The following MALT1 variants were observed in gnomAD, a reference collection of about 807,000 sequenced individuals.
The protein encoded by MALT1 is mucosa-associated lymphoid tissue lymphoma translocation protein 1.
In MALT1, 36 loss-of-function variants were observed where a neutral mutation model predicts 85.5. The ratio of observed to expected loss-of-function variants is 0.42; its 90% CI spans 0.32 to 0.56. MALT1 has a LOEUF of 0.56. Ranked by LOEUF, MALT1 falls within the 20% of genes least tolerant of loss-of-function variation. MALT1 has a pLI of 0.10. For synonymous variants in MALT1, 359 were observed against 361.3 expected (o/e 0.99, Z 0.07); for missense variants, 716 against 981.6 (o/e 0.73, Z 3.62).
chr18:58,678,759 GA>G (rs1451898345), intron 1 of MALT1, among the ~76,000 whole-genome samples: 2 of 152,190 alleles, frequency 1.3e-5, no homozygotes, highest in Admixed American at 1.3e-4. Context: ...CTATGGCCCA[GA>G]ATATCTAAAA....
chr18:58,748,515 G>T lies in MALT1; in HGVS notation c.*673G>T, dbSNP rs527755765. ...TGTATATAAATCTGTTATAGAACAG[G>T]CTGAAATTTCTTGTTCATAAGATTA... On this transcript the variant is annotated 3_prime_UTR_variant, in exon 17 of 17. Transcript: ENST00000649217. 2.2e-5 allele frequency: 4 copies of T among 185,892 alleles called. No homozygotes were observed. In the South Asian group the frequency reaches 7.8e-4, roughly 36 times the overall value. 11.5% of individuals were successfully genotyped at this position (185,892 alleles called of 1,614,324 possible). A position where few individuals can be genotyped will look rare whatever the true frequency, so the allele number is the denominator to read the frequency against.
chr18:58,698,035 G>GTTT (rs398120520), intron 3 of MALT1, among the ~76,000 whole-genome samples: 3 of 47,518 alleles, frequency 6.3e-5, no homozygotes, highest in South Asian at 1.3e-3. Context: ...GATTCGTGGG[G>GTTT]TTTTTTGTTG....
intron 10 of MALT1, among the ~76,000 whole-genome samples, chr18:58,727,095 A>G (rs905751098): frequency 4.6e-5 from 7 of 152,180 alleles, no homozygotes; most frequent in African/African-American, 1.7e-4. Context: ...CACACTAAAA[A>G]TGCTCAAAAT....
rs896164289 is a variant in MALT1 at position 58,680,390 on chromosome 18, A to T, written c.210-780A>T. On this transcript the variant is annotated intron_variant, in intron 1 of 16. Coordinates refer to ENST00000649217, the MANE Select transcript of MALT1 (RefSeq NM_006785.4). ...TCAGGCTCAGTTTTTTTAATGAATT[A>T]ACAGTATTTCATTTGATATACATGC... is the stretch of plus-strand genomic sequence containing the variant. Among the ~76,000 whole-genome samples the T allele has an allele frequency of 2.0e-5, 3 of 152,310 alleles. No homozygotes were observed. In the East Asian group the frequency reaches 5.8e-4, roughly 29 times the overall value.
In MALT1 at chr18:58,681,315, C is replaced by A; in HGVS notation, c.355C>A (p.Leu119Ile). ...GCAGGCTATGGAACACACTGAAGTT[C>A]TTCAGCTTCTCAGCCCCCCAGGTAG... ...FLQAMEHTEV[L>I]QLLSPPGIKI... Residue 119 changes from leucine (L) to isoleucine (I), a missense_variant, in exon 2 of 17, where the codon CTT (leucine) becomes ATT (isoleucine). This residue lies in a region of MALT1 where 290 missense variants were observed against 380.5 expected (regional missense o/e 0.76). Coordinates refer to ENST00000649217, the MANE Select transcript of MALT1 (RefSeq NM_006785.4). The A allele has an allele frequency of 1.9e-6, 3 of 1,613,604 alleles. No individual in the cohort carries two copies. The highest frequency in any genetic ancestry group is 2.5e-6 in the Non-Finnish European group (3 of 1,179,758).
chr18:58,713,520 T>C (rs780553550), intron 7 of MALT1, among the ~76,000 whole-genome samples: 67 of 152,108 alleles, frequency 4.4e-4, no homozygotes, highest in Non-Finnish European at 8.2e-4. Flanking sequence ...ACCAAGAAGA[T>C]ACAAGCCTGA....
intron 7 of MALT1, among the ~76,000 whole-genome samples, chr18:58,712,270 AAC>A (rs758167800): frequency 6.6e-5 from 10 of 152,176 alleles, no homozygotes; most frequent in Non-Finnish European, 8.8e-5. Flanking sequence ...ATTGCATATG[AAC>A]AGTGTCCTTT....
intron 10 of MALT1, among the ~76,000 whole-genome samples, chr18:58,724,886 T>C (rs553216048): frequency 8.8e-4 from 134 of 152,120 alleles, no homozygotes; most frequent in Admixed American, 2.0e-3. Context: ...GGCTTACGTC[T>C]GTAATCCCAG....
intron 2 of MALT1, among the ~76,000 whole-genome samples, chr18:58,686,363 G>A: frequency 6.6e-6 from 1 of 152,204 alleles, no homozygotes; most frequent in Non-Finnish European, 1.5e-5. Flanking sequence ...AACATTGTGA[G>A]TGTAGAATTA....
In MALT1 at chr18:58,747,675, A is replaced by G; in HGVS notation, c.2308A>G (p.Asn770Asp). 6.2e-7 allele frequency: 1 copy of G among 1,614,184 alleles called. No homozygotes were observed. Among genetic ancestry groups the G allele is most frequent in the Non-Finnish European group, 8.5e-7 (1 of 1,180,030 alleles). ...VYHSHPGNPS[N>D]VTPADSCHCS... ...CCATTCACATCCTGGTAATCCAAGT[A>G]ATGTTACACCAGCAGATAGCTGTCA... Residue 770 changes from asparagine to aspartate, a missense_variant, in exon 17 of 17, where the codon AAT (asparagine) becomes GAT (aspartate). Around this residue, in one of 4 missense-constraint regions of MALT1, gnomAD observed 260 missense variants for 323.7 expected, o/e 0.80. Coordinates refer to ENST00000649217, the MANE Select transcript of MALT1 (RefSeq NM_006785.4).
chr18:58,752,846 G>C lies in MALT1; in HGVS notation c.*5004G>C, dbSNP rs1259106823. On this transcript the variant is annotated 3_prime_UTR_variant, in exon 17 of 17. Transcript: ENST00000649217. ...AAGAGTACAATCAGAATATGAAAAT[G>C]TGTAAATGTGCATATTCTCTTTTTT... 1.3e-5 allele frequency: 2 copies of C among 152,172 alleles called. No homozygotes were observed. Among genetic ancestry groups the C allele is most frequent in the African/African-American group, 2.4e-5 (1 of 41,450 alleles). 9.4% of individuals were successfully genotyped at this position (152,172 alleles called of 1,614,324 possible).
At chr18:58,708,017 C>T (rs2054778605) in intron 4 of MALT1, among the ~76,000 whole-genome samples, 1 of 152,196 alleles carries the variant, frequency 6.6e-6, no homozygotes, top group Non-Finnish European at 1.5e-5. Flanking sequence ...TCACCAACCC[C>T]ACCCTTGTCT....
intron 14 of MALT1, among the ~76,000 whole-genome samples, chr18:58,743,013 TATAG>T (rs34357792): frequency 0.015 from 2,354 of 152,330 alleles, 25 homozygotes; most frequent in Middle Eastern, 0.027. Flanking sequence ...GTGAGTCTCT[TATAG>T]ATAATTGAAA....
At chr18:58,741,433 T>C (rs1324118111) in intron 13 of MALT1, 2 of 152,282 alleles carry the variant, frequency 1.3e-5, no homozygotes, top group African/African-American at 4.8e-5. Flanking sequence ...TGGATCACTA[T>C]ATAATTTTGT....
chr18:58,685,618 T>G (rs1342549449), intron 2 of MALT1, among the ~76,000 whole-genome samples: 3 of 152,166 alleles, frequency 2.0e-5, no homozygotes, highest in African/African-American at 7.2e-5. Flanking sequence ...AATTATAATT[T>G]TATATATTTT....
At chr18:58,683,243 C>G (rs1417922144) in intron 2 of MALT1, among the ~76,000 whole-genome samples, 14 of 152,166 alleles carry the variant, frequency 9.2e-5, no homozygotes, top group Admixed American at 9.2e-4. Context: ...AGTTCTCATA[C>G]TTTATTGAAT....
intron 9 of MALT1, among the ~76,000 whole-genome samples, chr18:58,721,069 CTAGTT>C (rs1468636633): frequency 6.6e-6 from 1 of 152,076 alleles, no homozygotes; most frequent in Non-Finnish European, 1.5e-5. Context: ...TGTAAGAATA[CTAGTT>C]TATTTTAAAA....
At position 58,733,373 on chromosome 18, in the gene MALT1, CTCTCT is replaced by C; in HGVS notation, c.1223-22_1223-18del. ...GTGCATTTAGAATTGACATCTATCT[CTCTCT>C]TATTTTTCCTCTTTTCAGGGTTATT... On this transcript the variant is annotated intron_variant, in intron 10 of 16. Transcript: ENST00000649217. 3 of 1,506,518 alleles carry C rather than the reference CTCTCT, an allele frequency of 2.0e-6. No homozygotes were observed. The highest frequency in any genetic ancestry group is 2.7e-6 in the Non-Finnish European group (3 of 1,099,980). 93.3% of individuals were successfully genotyped at this position (1,506,518 alleles called of 1,614,324 possible).
Position 58,749,419 on chromosome 18 carries a change from C to T in MALT1, c.*1577C>T, listed in dbSNP as rs919505678. 4.2e-5 allele frequency: 9 copies of T among 215,088 alleles called. No individual in the cohort carries two copies. The highest frequency in any genetic ancestry group is 6.9e-5 in the East Asian group (1 of 14,484). 13.3% of individuals were successfully genotyped at this position (215,088 alleles called of 1,614,324 possible). A position where few individuals can be genotyped will look rare whatever the true frequency, so the allele number is the denominator to read the frequency against. ...AATTCAAACCCCATCCAGCTGGCCC[C>T]GGAGCCAGAGCTTCTTGTACTACAC... On this transcript the variant is annotated 3_prime_UTR_variant, in exon 17 of 17. Transcript: ENST00000649217.
Sources: allele counts gnomAD v4.1 joint callset (sites outside exome capture counted in the v4.1 genomes callset), GRCh38; gene constraint gnomAD v4.1.1; regional missense constraint gnomAD v4.1.1; transcripts MANE v1.5; gene names NCBI Gene and HGNC (gene_info 2026-07-23, HGNC 2026-07-21).